SCARA3: variants seen among roughly 807,000 people sequenced by gnomAD.
The protein encoded by SCARA3 is scavenger receptor class A member 3, also known as cellular stress response gene protein.
A neutral mutation model predicts 47.0 loss-of-function variants in SCARA3; 39 were observed. The ratio of observed to expected loss-of-function variants is 0.83; its 90% CI spans 0.64 to 1.08. SCARA3 has a LOEUF of 1.08. Among genes scored for constraint, SCARA3 ranks in the 50% least tolerant of loss-of-function variants. The probability of loss-of-function intolerance (pLI) is 0.00; values close to 1 mark genes in which losing one functional copy is unlikely to be tolerated. For synonymous variants in SCARA3, 356 were observed against 334.1 expected (o/e 1.07, Z -0.71); for missense variants, 724 against 792.3 (o/e 0.91, Z 1.04).
chr8:27,674,335 C>T (rs1187775818), downstream of SCARA3, among the ~76,000 whole-genome samples: 1 of 152,194 alleles, frequency 6.6e-6, no homozygotes, highest in African/African-American at 2.4e-5. Context: ...GGAGGTGCCT[C>T]GGTGGCCATG....
At chr8:27,679,550 G>A (rs1423178399), downstream of SCARA3, among the ~76,000 whole-genome samples, 1 of 152,192 alleles carries the variant, frequency 6.6e-6, no homozygotes, top group Non-Finnish European at 1.5e-5. Flanking sequence ...CTCTCAGGAA[G>A]TGATAGGTCA....
At chr8:27,705,058 A>G in the SCARA3 span, among the ~76,000 whole-genome samples, 2 of 152,148 alleles carry the variant, frequency 1.3e-5, no homozygotes, top group African/African-American at 4.8e-5. Flanking sequence ...ACAGCTCATT[A>G]AGGGAGCAAT....
At chr8:27,652,544 A>T (rs1027254272) in intron 3 of SCARA3, among the ~76,000 whole-genome samples, 3 of 152,216 alleles carry the variant, frequency 2.0e-5, no homozygotes, top group Non-Finnish European at 2.9e-5. Flanking sequence ...GCCTGAGCAC[A>T]TCCCTAAGGA....
the SCARA3 span, among the ~76,000 whole-genome samples, chr8:27,710,532 C>G: frequency 5.3e-5 from 8 of 152,232 alleles, no homozygotes; most frequent in East Asian, 1.4e-3. Flanking sequence ...CCCGGATGAA[C>G]GAAAACTATC....
Position 27,649,907 on chromosome 8 carries a change from G to T in SCARA3, c.106+107G>T. The T allele has an allele frequency of 9.4e-6, 9 of 958,176 alleles. No individual in the cohort carries two copies. In the South Asian group the frequency reaches 1.5e-4, roughly 16 times the overall value. 59.4% of individuals were successfully genotyped at this position (958,176 alleles called of 1,614,324 possible). A position where few individuals can be genotyped will look rare whatever the true frequency, so the allele number is the denominator to read the frequency against. Reference sequence around the variant, plus strand: ...TCTCTTTAGGTGGTTTCAAAAGCCTGGGTGTCCTTTCCCCACTGCTTCCTG... The same window carrying T: ...TCTCTTTAGGTGGTTTCAAAAGCCTTGGTGTCCTTTCCCCACTGCTTCCTG... On this transcript the variant is annotated intron_variant, in intron 2 of 5. Transcript: ENST00000301904.
rs1283731688 is a variant in SCARA3 at position 27,659,055 on chromosome 8, G to A, written c.885G>A (p.Glu295=). 6.2e-7 allele frequency: 1 copy of A among 1,614,084 alleles called. No individual in the cohort carries two copies. The highest frequency in any genetic ancestry group is 8.5e-7 in the Non-Finnish European group (1 of 1,179,996). Residue 295 remains glutamate, a synonymous_variant, in exon 5 of 6, where the codon GAG becomes GAA. Transcript: ENST00000301904. ...ASSQRISQNS[E]SMHDLVLQVM... ...CACAGCGCATCAGCCAGAACTCAGA[G>A]AGCATGCACGACCTGGTACTCCAGG...
chr8:27,708,776 A>T, the SCARA3 span, among the ~76,000 whole-genome samples: 1 of 152,200 alleles, frequency 6.6e-6, no homozygotes, highest in Non-Finnish European at 1.5e-5. Context: ...TTTGGGGGAT[A>T]ATAACTTGTT....
chr8:27,668,510 G>A (rs946325975), intron 5 of SCARA3, among the ~76,000 whole-genome samples: 1 of 144,598 alleles, frequency 6.9e-6, no homozygotes, highest in African/African-American at 2.5e-5. Flanking sequence ...ACTGCAGTCC[G>A]CAGTCCGGCC....
chr8:27,694,784 AAGACAG>A, the SCARA3 span, among the ~76,000 whole-genome samples: 3 of 152,154 alleles, frequency 2.0e-5, no homozygotes, highest in African/African-American at 7.2e-5. Context: ...TGACCACAGA[AAGACAG>A]AGATTTGTGC....
At chr8:27,650,169 T>A (rs1382939552) in intron 2 of SCARA3, among the ~76,000 whole-genome samples, 1 of 151,224 alleles carries the variant, frequency 6.6e-6, no homozygotes, top group African/African-American at 2.4e-5. Context: ...ATTTTTTTTA[T>A]TTTTTGTAGA....
downstream of SCARA3, among the ~76,000 whole-genome samples, chr8:27,676,086 A>G (rs1802273287): frequency 6.6e-6 from 1 of 152,242 alleles, no homozygotes. Context: ...CAAGGCTCAG[A>G]AAAGCTAACT....
chr8:27,694,860 T>A, the SCARA3 span, among the ~76,000 whole-genome samples: 14 of 151,632 alleles, frequency 9.2e-5, no homozygotes, highest in African/African-American at 3.2e-4. Flanking sequence ...GAATTCAGAG[T>A]TTGGGGCAGC....
At chr8:27,646,248 G>A (rs529995558) in intron 1 of SCARA3, among the ~76,000 whole-genome samples, 4 of 152,260 alleles carry the variant, frequency 2.6e-5, no homozygotes, top group East Asian at 1.9e-4. Flanking sequence ...CAAGATCTTC[G>A]CTGGCAGCCG....
At chr8:27,723,985 C>T in the SCARA3 span, among the ~76,000 whole-genome samples, 45 of 152,232 alleles carry the variant, frequency 3.0e-4, no homozygotes, top group Non-Finnish European at 5.0e-4. Context: ...ATCCACCCGC[C>T]TCAGCCTCTC....
At chr8:27,723,229 A>T in the SCARA3 span, among the ~76,000 whole-genome samples, 10,155 of 152,110 alleles carry the variant, frequency 0.067, 480 homozygotes, top group Non-Finnish European at 0.098. Flanking sequence ...AAATGACCTG[A>T]ACTCCTTGAA....
At chr8:27,710,186 T>C in the SCARA3 span, among the ~76,000 whole-genome samples, 10 of 142,508 alleles carry the variant, frequency 7.0e-5, no homozygotes, top group East Asian at 1.2e-3. Context: ...GCTGAGATGG[T>C]GCCACTGCAC....
At chr8:27,717,378 G>A in the SCARA3 span, among the ~76,000 whole-genome samples, 6,372 of 152,284 alleles carry the variant, frequency 0.042, 205 homozygotes, top group African/African-American at 0.081. Context: ...AATACAAGTG[G>A]TAACCTACAG....
chr8:27,660,238 A>AG (rs1801865556), intron 5 of SCARA3, among the ~76,000 whole-genome samples: 1 of 152,128 alleles, frequency 6.6e-6, no homozygotes, highest in Admixed American at 6.6e-5. Flanking sequence ...AGATCCACAG[A>AG]AACAGAATCA....
the SCARA3 span, among the ~76,000 whole-genome samples, chr8:27,717,564 T>C: frequency 6.6e-6 from 1 of 152,106 alleles, no homozygotes; most frequent in Non-Finnish European, 1.5e-5. Context: ...GCGGGCAGAT[T>C]ACTTGAGGTC....
Sources: allele counts gnomAD v4.1 joint callset (sites outside exome capture counted in the v4.1 genomes callset), GRCh38; gene constraint gnomAD v4.1.1; transcripts MANE v1.5; gene names NCBI Gene and HGNC (gene_info 2026-07-23, HGNC 2026-07-21).